The following RSRP1 variants were observed in gnomAD, a reference collection of about 807,000 sequenced individuals.
RSRP1 encodes the protein arginine and serine rich protein 1, also known as arginine/serine-rich protein 1.
A neutral mutation model predicts 33.0 loss-of-function variants in RSRP1; 37 were observed. That is an observed-to-expected ratio of 1.12 (90% CI 0.86 to 1.48). The LOEUF (loss-of-function observed/expected upper bound fraction) is 1.48, where lower values mean the gene tolerates loss of function less well. Ranked by LOEUF, RSRP1 falls within the 40% of genes most tolerant of loss-of-function variation. The pLI is 0.00. For synonymous variants in RSRP1, 167 were observed against 158.7 expected (o/e 1.05, Z -0.40); for missense variants, 402 against 385.3 (o/e 1.04, Z -0.36).
rs148372213 is a variant in RSRP1 at position 25,281,910 on chromosome 1, T to C, written c.-66-34881A>G. Among the ~76,000 whole-genome samples the C allele has an allele frequency of 3.9e-3, 516 of 132,758 alleles. 72 individuals are homozygous for C. Among genetic ancestry groups the C allele is most frequent in the East Asian group, 0.028 (146 of 5,140 alleles). The allele number at this position is 132,758 out of a possible 152,430, so 87.1% of individuals were successfully genotyped here. A position where few individuals can be genotyped will look rare whatever the true frequency, so the allele number is the denominator to read the frequency against. On this transcript the variant is annotated intron_variant, in intron 1 of 1. Coordinates refer to the RSRP1 transcript ENST00000561867. ...GTGTATGTTTCAATGGAAGTGAATTTAAATGTACTTTATAAATCAAAGACT... is the reference window on the plus strand; with the variant it reads ...GTGTATGTTTCAATGGAAGTGAATTCAAATGTACTTTATAAATCAAAGACT...
At chr1:25,247,632 G>C (rs771312774), upstream of RSRP1, 14 of 152,280 alleles carry the variant, frequency 9.2e-5, no homozygotes, top group Non-Finnish European at 1.6e-4. Context: ...TGCGCGATGG[G>C]GCTCCAGGGG....
intron 1 of RSRP1, among the ~76,000 whole-genome samples, chr1:25,263,880 C>A (rs1410684327): frequency 6.6e-6 from 1 of 152,058 alleles, no homozygotes; most frequent in East Asian, 1.9e-4. Flanking sequence ...TGGGTAAATA[C>A]AGCCATTCCA....
chr1:25,270,635 C>CTAGG (rs1248990787), intron 1 of RSRP1, among the ~76,000 whole-genome samples: 1 of 132,280 alleles, frequency 7.6e-6, no homozygotes, highest in African/African-American at 2.6e-5. Context: ...GACCCCTGAT[C>CTAGG]TAGGCTACAG....
rs1202715283 is a variant in RSRP1 at position 25,303,073 on chromosome 1, C to A, written c.-67+34905G>T. 1.1e-4 allele frequency among the ~76,000 whole-genome samples: 15 copies of A among 131,744 alleles called. 5 individuals carry two copies. Among genetic ancestry groups the A allele is most frequent in the Admixed American group, 1.0e-3 (14 of 13,594 alleles). 86.4% of individuals were successfully genotyped at this position (131,744 alleles called of 152,430 possible). ...TAGGATGCTGAGCACCTGGACTTCC[C>A]AGCTCATTCCCTAAATGCTGCACAA... On this transcript the variant is annotated intron_variant, in intron 1 of 1. Transcript: ENST00000561867.
At chr1:25,246,414 C>G in intron 2 of RSRP1, 30 bp downstream of exon 2, 1 of 1,603,068 alleles carries the variant, frequency 6.2e-7, no homozygotes, top group East Asian at 2.2e-5. Context: ...CATACATTAC[C>G]ACAAATGGAA....
Position 25,334,683 on chromosome 1 carries a change from C to T in RSRP1, c.-67+3295G>A, listed in dbSNP as rs543254661. 2.0e-4 allele frequency among the ~76,000 whole-genome samples: 26 copies of T among 133,004 alleles called. 1 individual carries two copies. The highest frequency in any genetic ancestry group is 6.7e-4 in the African/African-American group (26 of 38,872). The allele number at this position is 133,004 out of a possible 152,430, so 87.3% of individuals were successfully genotyped here. On this transcript the variant is annotated intron_variant, in intron 1 of 1. Coordinates refer to the RSRP1 transcript ENST00000561867. ...TTCCGCACATCCTCTTTAATCTAGG[C>T]GAAGGTTTCCAAACCCCAGTTCTTG...
intron 1 of RSRP1, among the ~76,000 whole-genome samples, chr1:25,259,654 TACC>T (rs1640067069): frequency 6.6e-6 from 1 of 151,924 alleles, no homozygotes; most frequent in Non-Finnish European, 1.5e-5. Flanking sequence ...AAGTGCACAC[TACC>T]ACGCCCAGCT....
chr1:25,280,452 T>G lies in RSRP1; in HGVS notation c.-66-33423A>C, dbSNP rs561352720. On this transcript the variant is annotated intron_variant, in intron 1 of 1. Transcript: ENST00000561867. ...TCCTGAGTAGCTGGGATTACAGGCA[T>G]GCGCCACCATGCCAGGCTAATTTTT... 2.4e-5 allele frequency among the ~76,000 whole-genome samples: 3 copies of G among 125,814 alleles called. 1 individual carries two copies. In the South Asian group the frequency reaches 7.5e-4, roughly 31 times the overall value. The allele number at this position is 125,814 out of a possible 152,430, so 82.5% of individuals were successfully genotyped here.
intron 1 of RSRP1, among the ~76,000 whole-genome samples, chr1:25,263,352 T>C (rs1233833675): frequency 6.6e-6 from 1 of 151,864 alleles, no homozygotes; most frequent in Non-Finnish European, 1.5e-5. Context: ...CTAGGCAATT[T>C]ACAAAAGAAA....
At chr1:25,318,833 A>T (rs1644550306) in intron 1 of RSRP1, among the ~76,000 whole-genome samples, 1 of 132,524 alleles carries the variant, frequency 7.5e-6, no homozygotes, top group Admixed American at 7.3e-5. Flanking sequence ...GCTTCCTTCC[A>T]GCTTTAACAA....
chr1:25,301,484 G>A, intron 1 of RSRP1: 1 of 1,368,916 alleles, frequency 7.3e-7, no homozygotes, highest in Non-Finnish European at 1.0e-6. Context: ...TGGAGCAGGA[G>A]TGTGATTCTG....
At chr1:25,256,771 T>A (rs1639962994) in intron 1 of RSRP1, among the ~76,000 whole-genome samples, 1 of 151,954 alleles carries the variant, frequency 6.6e-6, no homozygotes, top group Non-Finnish European at 1.5e-5. Context: ...GGCTGCCCCA[T>A]CGAGATCTCA....
chr1:25,290,602 T>C (rs1218308937), intron 1 of RSRP1: 1 of 1,322,102 alleles, frequency 7.6e-7, no homozygotes, highest in Non-Finnish European at 1.1e-6. Context: ...AGAGGCATCC[T>C]TCCTTCTCAG....
chr1:25,281,195 C>T lies in RSRP1; in HGVS notation c.-66-34166G>A, dbSNP rs1217525012. The stretch of plus-strand genomic sequence containing the variant: ...GGCATTCAGAGCTGGGCTCTGCTGC[C>T]GGCATGTTTGGGGCCTGGTAGTTAG... On this transcript the variant is annotated intron_variant, in intron 1 of 1. Transcript: ENST00000561867. Among the ~76,000 whole-genome samples the T allele has an allele frequency of 4.6e-5, 6 of 131,640 alleles. 2 individuals are homozygous for T. The highest frequency in any genetic ancestry group is 7.9e-5 in the African/African-American group (3 of 38,130). The allele number at this position is 131,640 out of a possible 152,430, so 86.4% of individuals were successfully genotyped here.
At chr1:25,314,372 T>C (rs1026151472) in intron 1 of RSRP1, among the ~76,000 whole-genome samples, 1 of 133,550 alleles carries the variant, frequency 7.5e-6, no homozygotes, top group African/African-American at 2.6e-5. Context: ...TCTTTTCTTG[T>C]GAAATGTCTA....
chr1:25,313,704 T>G (rs1644284565), intron 1 of RSRP1, among the ~76,000 whole-genome samples: 1 of 131,846 alleles, frequency 7.6e-6, no homozygotes, highest in African/African-American at 2.6e-5. Context: ...GACTATGCCT[T>G]TATGAAAAAG....
chr1:25,255,856 C>T (rs926775325), intron 1 of RSRP1, among the ~76,000 whole-genome samples: 3 of 151,974 alleles, frequency 2.0e-5, no homozygotes, highest in South Asian at 2.1e-4. Context: ...GCTGATCTGA[C>T]GAGAGGTGGA....
At position 25,282,496 on chromosome 1, in the gene RSRP1, T is replaced by C. The variant is rs371463835; in HGVS notation, c.-66-35467A>G. On this transcript the variant is annotated intron_variant, in intron 1 of 1. Coordinates refer to the RSRP1 transcript ENST00000561867. ...GATCTGCCCACCTCATCCTCCTAAA[T>C]TGGTATCTTTATATGTCCAAAAGAG... 2.6e-4 allele frequency among the ~76,000 whole-genome samples: 34 copies of C among 132,124 alleles called. 2 individuals carry two copies. In the East Asian group the frequency reaches 5.7e-3, roughly 22 times the overall value. 86.7% of individuals were successfully genotyped at this position (132,124 alleles called of 152,430 possible).
upstream of RSRP1, chr1:25,338,192 T>C (rs1645117151): frequency 6.6e-6 from 1 of 152,138 alleles, no homozygotes; most frequent in Non-Finnish European, 1.5e-5. Flanking sequence ...CGTCCAGCTG[T>C]GAACCCAGAG....
Sources: allele counts gnomAD v4.1 joint callset (sites outside exome capture counted in the v4.1 genomes callset), GRCh38; gene constraint gnomAD v4.1.1; transcripts MANE v1.5; gene names NCBI Gene and HGNC (gene_info 2026-07-23, HGNC 2026-07-21).